Variants in CCDC102B observed in about 807,000 individuals in gnomAD.
CCDC102B encodes the protein coiled-coil domain-containing protein 102B.
A neutral mutation model predicts 57.4 loss-of-function variants in CCDC102B; 75 were observed. That is an observed-to-expected ratio of 1.31 (90% CI 1.08 to 1.58). The LOEUF is 1.58. Ranked by LOEUF, CCDC102B falls within the 40% of genes most tolerant of loss-of-function variation. The pLI, the probability that CCDC102B is intolerant of heterozygous loss-of-function variation, is 0.00. For synonymous variants in CCDC102B, 206 were observed against 201.9 expected (o/e 1.02, Z -0.17); for missense variants, 636 against 582.6 (o/e 1.09, Z -0.94).
intron 6 of CCDC102B, among the ~76,000 whole-genome samples, chr18:68,904,978 A>T (rs2040574734): frequency 6.6e-6 from 1 of 152,124 alleles, no homozygotes; most frequent in Non-Finnish European, 1.5e-5. Context: ...TGTGTGTTAA[A>T]TGCATAAGTT....
At chr18:68,839,636 A>G (rs1406365290) in intron 3 of CCDC102B, among the ~76,000 whole-genome samples, 1 of 152,180 alleles carries the variant, frequency 6.6e-6, no homozygotes, top group Non-Finnish European at 1.5e-5. Context: ...AAGGCTGGCA[A>G]TGCATGGAAG....
At chr18:68,901,500 A>C (rs1187285423) in intron 6 of CCDC102B, among the ~76,000 whole-genome samples, 3 of 152,160 alleles carry the variant, frequency 2.0e-5, no homozygotes, top group African/African-American at 7.2e-5. Context: ...CAAGAAGGAA[A>C]ATGTGACAGA....
intron 7 of CCDC102B, among the ~76,000 whole-genome samples, chr18:69,037,312 T>C (rs1364431137): frequency 6.6e-6 from 1 of 151,944 alleles, no homozygotes; most frequent in Non-Finnish European, 1.5e-5. Flanking sequence ...ACATTTAGAA[T>C]ATATGGTTGC....
At chr18:68,955,301 A>G (rs1429832193) in intron 6 of CCDC102B, among the ~76,000 whole-genome samples, 1 of 152,166 alleles carries the variant, frequency 6.6e-6, no homozygotes, top group Non-Finnish European at 1.5e-5. Flanking sequence ...ACTTGCCGCC[A>G]TCCATTACTT....
chr18:68,857,203 A>C (rs2038462602), intron 4 of CCDC102B, among the ~76,000 whole-genome samples: 1 of 52,960 alleles, frequency 1.9e-5, no homozygotes, highest in African/African-American at 1.1e-4. Context: ...ATTTTTATAT[A>C]ATATATAAAA....
intron 4 of CCDC102B, among the ~76,000 whole-genome samples, chr18:68,849,001 T>C (rs2038000898): frequency 6.6e-6 from 1 of 152,136 alleles, no homozygotes; most frequent in Admixed American, 6.6e-5. Flanking sequence ...TAATAAGTCA[T>C]CTTTTTGTGA....
intron 7 of CCDC102B, among the ~76,000 whole-genome samples, chr18:69,052,696 C>T (rs1339507590): frequency 6.6e-6 from 1 of 151,782 alleles, no homozygotes. Context: ...ACCAGAAAGT[C>T]GTGCGGTGCG....
intron 6 of CCDC102B, 55 bp downstream of exon 6, chr18:68,897,483 C>A: frequency 6.4e-7 from 1 of 1,561,678 alleles, no homozygotes; most frequent in South Asian, 1.1e-5. Context: ...CTGATGCCTA[C>A]GCAGAGTCTG....
At chr18:68,992,009 C>T (rs1306702770) in intron 6 of CCDC102B, among the ~76,000 whole-genome samples, 3 of 151,924 alleles carry the variant, frequency 2.0e-5, no homozygotes. Context: ...ATAATTTTTT[C>T]CTGCAATGTT....
chr18:69,010,774 T>C (rs913343618), intron 6 of CCDC102B, among the ~76,000 whole-genome samples, 160 bp from the exon 7 acceptor site: 4 of 152,234 alleles, frequency 2.6e-5, no homozygotes, highest in Non-Finnish European at 5.9e-5. Flanking sequence ...CATATACTAA[T>C]TATAATATCT....
intron 6 of CCDC102B, among the ~76,000 whole-genome samples, chr18:69,010,692 T>G (rs762306334): frequency 1.3e-5 from 2 of 151,812 alleles, no homozygotes; most frequent in Non-Finnish European, 2.9e-5. Context: ...TTGTGTAAGG[T>G]GCAAAATACA....
chr18:68,919,885 A>G (rs2041213931), intron 6 of CCDC102B, among the ~76,000 whole-genome samples: 1 of 152,162 alleles, frequency 6.6e-6, no homozygotes, highest in African/African-American at 2.4e-5. Context: ...CATAATTACT[A>G]AGATATATGA....
chr18:68,980,307 A>C (rs538165952), intron 6 of CCDC102B, among the ~76,000 whole-genome samples: 14 of 149,030 alleles, frequency 9.4e-5, no homozygotes, highest in African/African-American at 3.5e-4. Flanking sequence ...ATACCAAATG[A>C]TACTGTGATT....
At chr18:69,017,465 C>T (rs562219962) in intron 7 of CCDC102B, among the ~76,000 whole-genome samples, 2 of 152,056 alleles carry the variant, frequency 1.3e-5, no homozygotes, top group East Asian at 1.9e-4. Context: ...AAAATTTTAA[C>T]TTTTAGGATT....
chr18:68,746,301 T>G (rs1482955237), intron 2 of CCDC102B, among the ~76,000 whole-genome samples: 1 of 152,186 alleles, frequency 6.6e-6, no homozygotes, highest in Non-Finnish European at 1.5e-5. Context: ...GACAAGGTGA[T>G]AAAACATTTG....
At chr18:68,911,611 G>A (rs896651403) in intron 6 of CCDC102B, among the ~76,000 whole-genome samples, 2 of 149,976 alleles carry the variant, frequency 1.3e-5, no homozygotes, top group African/African-American at 4.9e-5. Flanking sequence ...AATTAGCCGG[G>A]CGTGGTGGCG....
chr18:69,026,101 G>C (rs1436807334), intron 7 of CCDC102B, among the ~76,000 whole-genome samples: 1 of 152,100 alleles, frequency 6.6e-6, no homozygotes, highest in Non-Finnish European at 1.5e-5. Flanking sequence ...TCATTCTGCG[G>C]GGGAGAACGT....
At chr18:68,725,908 A>G (rs764216625) in intron 2 of CCDC102B, among the ~76,000 whole-genome samples, 3 of 152,176 alleles carry the variant, frequency 2.0e-5, no homozygotes, top group Non-Finnish European at 4.4e-5. Flanking sequence ...CTCTTGACCA[A>G]ATTCCTGTGG....
intron 2 of CCDC102B, among the ~76,000 whole-genome samples, chr18:68,733,506 A>ATATT (rs1286743067): frequency 2.3e-5 from 2 of 87,622 alleles, no homozygotes; most frequent in African/African-American, 1.1e-4. Flanking sequence ...ATATATATAT[A>ATATT]TTTTTTTAAC....
Sources: allele counts gnomAD v4.1 joint callset (sites outside exome capture counted in the v4.1 genomes callset), GRCh38; gene constraint gnomAD v4.1.1; transcripts MANE v1.5; gene names NCBI Gene and HGNC (gene_info 2026-07-23, HGNC 2026-07-21).